Variants in HTR1F observed in about 807,000 individuals in gnomAD.
HTR1F encodes the protein 5-hydroxytryptamine (serotonin) receptor 1F, G protein-coupled.
Under a neutral mutation model 24.0 loss-of-function variants are expected in HTR1F, and 17 were observed. The observed-to-expected ratio is 0.71, with a 90% confidence interval of 0.48 to 1.06. The LOEUF is 1.06. Among genes scored for constraint, HTR1F ranks in the 50% least tolerant of loss-of-function variants. The pLI, the probability that HTR1F is intolerant of heterozygous loss-of-function variation, is 0.00. For missense variants in HTR1F, 391 were observed against 427.8 expected, an observed-to-expected ratio of 0.91 and a Z score of 0.76; for synonymous variants, 186 against 156.8, an observed-to-expected ratio of 1.19 and a Z score of -1.39.
chr3:87,916,750 T>A (rs1273040390), intron 2 of HTR1F, among the ~76,000 whole-genome samples: 2 of 151,862 alleles, frequency 1.3e-5, no homozygotes, highest in African/African-American at 2.4e-5. Flanking sequence ...ACCTAAGCAA[T>A]GAGATAGCAG....
intron 2 of HTR1F, among the ~76,000 whole-genome samples, chr3:87,884,825 C>G (rs979142374): frequency 6.6e-6 from 1 of 152,128 alleles, no homozygotes; most frequent in African/African-American, 2.4e-5. Context: ...GCACCCAATA[C>G]AGGAGCACTC....
chr3:87,835,581 A>G (rs115534307), intron 2 of HTR1F, among the ~76,000 whole-genome samples: 3,592 of 152,330 alleles, frequency 0.024, 65 homozygotes, highest in Non-Finnish European at 0.031. Flanking sequence ...GACCATGCAT[A>G]TAAAGCAGTT....
chr3:87,854,115 G>T (rs2107213480), intron 2 of HTR1F, among the ~76,000 whole-genome samples: 1 of 151,814 alleles, frequency 6.6e-6, no homozygotes. Context: ...TTCTTCTTAT[G>T]TTCATCTTAG....
chr3:87,959,751 T>C (rs1053985695), intron 2 of HTR1F, among the ~76,000 whole-genome samples: 3 of 145,558 alleles, frequency 2.1e-5, no homozygotes, highest in African/African-American at 7.9e-5. Context: ...TGGGATACGA[T>C]GTGAGACCAC....
chr3:87,959,541 T>C (rs892755400), intron 2 of HTR1F, among the ~76,000 whole-genome samples: 1 of 151,920 alleles, frequency 6.6e-6, no homozygotes, highest in African/African-American at 2.4e-5. Context: ...TAAAGAATGG[T>C]TTGAAAAATA....
intron 2 of HTR1F, among the ~76,000 whole-genome samples, chr3:87,905,735 C>CAA (rs36028043): frequency 0.021 from 3,038 of 141,668 alleles, 57 homozygotes; most frequent in Non-Finnish European, 0.033. Flanking sequence ...CTTTATTTAG[C>CAA]AAAAAAAAAA....
chr3:87,922,870 T>C (rs1704040929), intron 2 of HTR1F, among the ~76,000 whole-genome samples: 1 of 151,108 alleles, frequency 6.6e-6, no homozygotes, highest in Admixed American at 6.6e-5. Context: ...GTTATATTGG[T>C]CTATGTTTTC....
intron 2 of HTR1F, among the ~76,000 whole-genome samples, chr3:87,931,026 C>CTTTTTTTTTTTTTTTT (rs34617109): frequency 2.3e-5 from 3 of 131,834 alleles, no homozygotes; most frequent in Admixed American, 7.8e-5. Flanking sequence ...ATAGTCTTTC[C>CTTTTTTTTTTTTTTTT]TTTTTTTTTT....
intron 2 of HTR1F, among the ~76,000 whole-genome samples, chr3:87,889,593 A>G (rs559979847): frequency 2.0e-5 from 3 of 152,324 alleles, no homozygotes; most frequent in South Asian, 2.1e-4. Flanking sequence ...TTGAGATGCT[A>G]CAAGGAAAAT....
intron 1 of HTR1F, among the ~76,000 whole-genome samples, chr3:87,820,422 C>T (rs183077280): frequency 5.2e-4 from 79 of 151,816 alleles, no homozygotes; most frequent in African/African-American, 1.9e-3. Flanking sequence ...GTGATCCGCC[C>T]GCCTCGGCCT....
intron 2 of HTR1F, among the ~76,000 whole-genome samples, chr3:87,890,485 G>A (rs1175941396): frequency 6.7e-6 from 1 of 149,464 alleles, no homozygotes; most frequent in Non-Finnish European, 1.5e-5. Flanking sequence ...GAAGAATTCT[G>A]AACAATGTAT....
At chr3:87,969,910 A>T (rs1705250579) in intron 2 of HTR1F, among the ~76,000 whole-genome samples, 1 of 152,196 alleles carries the variant, frequency 6.6e-6, no homozygotes, top group Non-Finnish European at 1.5e-5. Context: ...GGTAGTAAAT[A>T]AGTGTCAAGA....
At chr3:87,896,978 C>T (rs1379049166) in intron 2 of HTR1F, among the ~76,000 whole-genome samples, 1 of 151,866 alleles carries the variant, frequency 6.6e-6, no homozygotes, top group Non-Finnish European at 1.5e-5. Context: ...CTTATTGCAG[C>T]CCTTATGCAA....
At chr3:87,802,010 T>C (rs541209651) in intron 1 of HTR1F, among the ~76,000 whole-genome samples, 302 of 136,878 alleles carry the variant, frequency 2.2e-3, no homozygotes, top group African/African-American at 9.8e-3. Context: ...TTCTTCCTTC[T>C]TTTTCTTTCT....
chr3:87,933,390 A>T (rs1219443835), intron 2 of HTR1F, among the ~76,000 whole-genome samples: 1 of 152,100 alleles, frequency 6.6e-6, no homozygotes, highest in African/African-American at 2.4e-5. Context: ...AGGGTATTCA[A>T]TTAGGAAAAG....
chr3:87,937,095 A>C (rs978572870), intron 2 of HTR1F, among the ~76,000 whole-genome samples: 1 of 151,468 alleles, frequency 6.6e-6, no homozygotes, highest in Non-Finnish European at 1.5e-5. Flanking sequence ...AAAAAAAAAA[A>C]AAAAAGAGGA....
chr3:87,889,065 G>T (rs1575991996), intron 2 of HTR1F, among the ~76,000 whole-genome samples: 1 of 152,038 alleles, frequency 6.6e-6, no homozygotes, highest in Non-Finnish European at 1.5e-5. Context: ...GTCCTCATGA[G>T]AGCTGGTTGT....
intron 2 of HTR1F, among the ~76,000 whole-genome samples, chr3:87,912,034 C>G (rs1289872147): frequency 1.3e-5 from 2 of 152,082 alleles, no homozygotes; most frequent in East Asian, 3.8e-4. Context: ...ATCACCACTC[C>G]TATTCAACAT....
chr3:87,846,301 G>A (rs1256621180), intron 2 of HTR1F, among the ~76,000 whole-genome samples: 1 of 151,788 alleles, frequency 6.6e-6, no homozygotes. Context: ...AGGTGTGATG[G>A]CAAGCACCTG....
Sources: gnomAD v4.1 joint callset for allele counts (sites outside exome capture counted in the v4.1 genomes callset) on GRCh38, gnomAD v4.1.1 for gene constraint, MANE v1.5 for transcripts, NCBI Gene and HGNC (gene_info 2026-07-23, HGNC 2026-07-21) for gene names.